The following PAPPA2 variants were observed in gnomAD, a reference collection of about 807,000 sequenced individuals.
PAPPA2 encodes the protein pappalysin-2.
In PAPPA2, 86 loss-of-function variants were observed where a neutral mutation model predicts 176.4. The observed-to-expected ratio is 0.49, with a 90% CI of 0.41 to 0.58. The LOEUF (loss-of-function observed/expected upper bound fraction) is 0.58, where lower values mean the gene tolerates loss of function less well. PAPPA2 is among the 20% of genes least tolerant of loss of function. PAPPA2 has a pLI of 0.00. For missense variants in PAPPA2, 2,073 were observed against 2,256.9 expected, an observed-to-expected ratio of 0.92 and a Z score of 1.65; for synonymous variants, 809 against 852.2, an observed-to-expected ratio of 0.95 and a Z score of 0.88.
chr1:176,532,263 G>A (rs935879121), intron 1 of PAPPA2, among the ~76,000 whole-genome samples: 1 of 152,150 alleles, frequency 6.6e-6, no homozygotes, highest in African/African-American at 2.4e-5. Flanking sequence ...AAGCTTTTAT[G>A]CCTCTGAGCC....
At chr1:176,830,194 C>A (rs984937410) in intron 21 of PAPPA2, among the ~76,000 whole-genome samples, 1 of 152,046 alleles carries the variant, frequency 6.6e-6, no homozygotes, top group Non-Finnish European at 1.5e-5. Context: ...CATAGCCAGA[C>A]CCCATCTCTT....
intron 21 of PAPPA2, among the ~76,000 whole-genome samples, chr1:176,820,227 C>T (rs1173387760): frequency 6.6e-6 from 1 of 152,106 alleles, no homozygotes; most frequent in African/African-American, 2.4e-5. Flanking sequence ...CTAAGTAAGC[C>T]TTTTGGTTCC....
chr1:176,739,234 C>T (rs1662558740), intron 12 of PAPPA2, among the ~76,000 whole-genome samples: 1 of 152,136 alleles, frequency 6.6e-6, no homozygotes, highest in Non-Finnish European at 1.5e-5. Context: ...TTTGATGATT[C>T]TTCTCCACTG....
At chr1:176,826,384 C>G (rs1312224883) in intron 21 of PAPPA2, among the ~76,000 whole-genome samples, 1 of 152,130 alleles carries the variant, frequency 6.6e-6, no homozygotes, top group African/African-American at 2.4e-5. Flanking sequence ...TGTTGTGAAA[C>G]AGATGCAGTC....
chr1:176,781,102 G>A (rs975145745), intron 17 of PAPPA2, among the ~76,000 whole-genome samples: 2 of 152,070 alleles, frequency 1.3e-5, no homozygotes, highest in African/African-American at 2.4e-5. Flanking sequence ...TGAGAGAGAC[G>A]AGGAAAGGAG....
In PAPPA2 at chr1:176,634,043, C is replaced by T. The variant is rs540173509; in HGVS notation, c.1992-36927C>T. On this transcript the variant is annotated intron_variant, in intron 3 of 22. Coordinates refer to ENST00000367662, the MANE Select transcript of PAPPA2 (RefSeq NM_020318.3). ...TGTGGAAGACAGTGTGGCGATTCCT[C>T]GGGGATCTAGAACTAGAAATACCAT... Among the ~76,000 whole-genome samples the T allele has an allele frequency of 1.4e-3, 209 of 152,202 alleles. 1 individual carries two copies. Among genetic ancestry groups the T allele is most frequent in the African/African-American group, 4.7e-3 (196 of 41,524 alleles).
At position 176,699,549 on chromosome 1, in the gene PAPPA2, C is replaced by T; in HGVS notation, c.3196C>T (p.Pro1066Ser). 5 of 1,610,098 alleles carry T rather than the reference C, an allele frequency of 3.1e-6. No individual in the cohort carries two copies. In the South Asian group the frequency reaches 3.3e-5, roughly 11 times the overall value. The change falls in exon 8 of 23, where the codon CCC becomes TCC. Residue 1066 changes from proline to serine, a missense_variant. Physicochemically the swap from Pro to Ser is moderately conservative, Grantham distance 74. Around this residue, in one of 4 missense-constraint regions of PAPPA2, gnomAD observed 846 missense variants for 857.9 expected, o/e 0.99. Transcript: ENST00000367662. Reference protein sequence around the residue: ...LRDPPFASGLPVVVTHSHRKF... With the variant: ...LRDPPFASGLSVVVTHSHRKF... ...CGATCCCCCATTTGCCAGTGGTTTG[C>T]CCGTGGTGGTGACACATTCTCACAG...
rs1247918456 is a variant in PAPPA2, at chr1:176,844,340, T to C, written c.*1886T>C. 6.6e-6 allele frequency: 1 copy of C among 152,174 alleles called. No homozygotes were observed. The highest frequency in any genetic ancestry group is 1.5e-5 in the Non-Finnish European group (1 of 68,028). The allele number at this position is 152,174 out of a possible 1,614,324, so 9.4% of individuals were successfully genotyped here. On this transcript the variant is annotated 3_prime_UTR_variant, in exon 23 of 23. Coordinates refer to ENST00000367662, the MANE Select transcript of PAPPA2 (RefSeq NM_020318.3). Reference sequence around the variant, plus strand: ...CTGTGCAAATAGGAATAGGAAATACTACCACAATGATAGAAATATTATCCA... The same window carrying C: ...CTGTGCAAATAGGAATAGGAAATACCACCACAATGATAGAAATATTATCCA...
At chr1:176,592,248 G>T (rs867986536) in intron 2 of PAPPA2, among the ~76,000 whole-genome samples, 1 of 152,134 alleles carries the variant, frequency 6.6e-6, no homozygotes, top group Admixed American at 6.6e-5. Context: ...ACCTAGTGAG[G>T]TTCTTCATTT....
intron 1 of PAPPA2, among the ~76,000 whole-genome samples, chr1:176,491,310 A>G (rs1171131974): frequency 6.6e-6 from 1 of 152,236 alleles, no homozygotes. Flanking sequence ...TAGATGCTAT[A>G]GGAGTCTTGA....
At chr1:176,494,792 A>T (rs1647509055) in intron 1 of PAPPA2, among the ~76,000 whole-genome samples, 1 of 152,222 alleles carries the variant, frequency 6.6e-6, no homozygotes, top group Non-Finnish European at 1.5e-5. Flanking sequence ...ATCATCTAAT[A>T]CAGAAATCTA....
intron 1 of PAPPA2, among the ~76,000 whole-genome samples, chr1:176,505,245 A>G (rs1167332208): frequency 2.0e-5 from 3 of 152,116 alleles, no homozygotes; most frequent in Non-Finnish European, 4.4e-5. Context: ...TTCCAAGGCT[A>G]TTTTGTCCTC....
chr1:176,757,582 C>A (rs1663488874), intron 14 of PAPPA2, among the ~76,000 whole-genome samples: 2 of 151,992 alleles, frequency 1.3e-5, no homozygotes, highest in Admixed American at 6.6e-5. Flanking sequence ...TGTTTAAGTT[C>A]TTTGTAGATT....
At chr1:176,585,913 C>A (rs1653276277) in intron 2 of PAPPA2, among the ~76,000 whole-genome samples, 4 of 152,108 alleles carry the variant, frequency 2.6e-5, no homozygotes, top group Non-Finnish European at 5.9e-5. Flanking sequence ...CTATCTGTCT[C>A]TTAATATCTA....
intron 12 of PAPPA2, among the ~76,000 whole-genome samples, chr1:176,716,602 C>CTTTT (rs71299410): frequency 9.3e-4 from 107 of 114,824 alleles, no homozygotes; most frequent in African/African-American, 2.1e-3. Flanking sequence ...TTCCTTCCTT[C>CTTTT]TTTTTTTTTT....
chr1:176,474,666 C>T (rs1188174957), intron 1 of PAPPA2, among the ~76,000 whole-genome samples: 1 of 152,194 alleles, frequency 6.6e-6, no homozygotes, highest in East Asian at 1.9e-4. Flanking sequence ...GACTCACACA[C>T]TTACTACAAG....
At chr1:176,655,291 T>G (rs528167065) in intron 3 of PAPPA2, among the ~76,000 whole-genome samples, 1 of 151,946 alleles carries the variant, frequency 6.6e-6, no homozygotes, top group Non-Finnish European at 1.5e-5. Context: ...TGATGTTGAC[T>G]TTTTTCAAAT....
At chr1:176,754,723 T>A (rs1329792975) in intron 14 of PAPPA2, among the ~76,000 whole-genome samples, 1 of 152,234 alleles carries the variant, frequency 6.6e-6, no homozygotes, top group Non-Finnish European at 1.5e-5. Context: ...CAGTATAGTC[T>A]GTATTCATGG....
intron 21 of PAPPA2, among the ~76,000 whole-genome samples, chr1:176,804,389 G>T (rs1665806433): frequency 6.6e-6 from 1 of 152,248 alleles, no homozygotes; most frequent in African/African-American, 2.4e-5. Context: ...CGAATGGGAG[G>T]AGATGCTGAA....
Sources: gnomAD v4.1 joint callset for allele counts (sites outside exome capture counted in the v4.1 genomes callset) on GRCh38, gnomAD v4.1.1 for gene constraint, gnomAD v4.1.1 regional missense constraint, MANE v1.5 for transcripts, NCBI Gene and HGNC (gene_info 2026-07-23, HGNC 2026-07-21) for gene names.